The following GRIN3A variants were observed in gnomAD, a reference collection of about 807,000 sequenced individuals.
The protein encoded by GRIN3A is glutamate ionotropic receptor NMDA type subunit 3A, also known as glutamate receptor ionotropic, NMDA 3A.
Under a neutral mutation model 92.4 loss-of-function variants are expected in GRIN3A, and 47 were observed. The ratio of observed to expected loss-of-function variants is 0.51; its 90% CI spans 0.40 to 0.65. The LOEUF (loss-of-function observed/expected upper bound fraction) is 0.65, where lower values mean the gene tolerates loss of function less well. Among genes scored for constraint, GRIN3A ranks in the 30% least tolerant of loss-of-function variants. The pLI is 0.00. For synonymous variants in GRIN3A, 527 were observed against 540.6 expected (o/e 0.97, Z 0.35); for missense variants, 1,324 against 1,393.1 (o/e 0.95, Z 0.79).
At chr9:101,691,476 A>G (rs1829617660) in intron 1 of GRIN3A, among the ~76,000 whole-genome samples, 1 of 152,206 alleles carries the variant, frequency 6.6e-6, no homozygotes, top group Non-Finnish European at 1.5e-5. Context: ...GCGTTCTTTA[A>G]TTGGGACTTA....
intron 3 of GRIN3A, among the ~76,000 whole-genome samples, chr9:101,669,169 T>C (rs1270407503): frequency 1.3e-5 from 2 of 152,124 alleles, no homozygotes; most frequent in Non-Finnish European, 2.9e-5. Context: ...AGGACTGCAG[T>C]ACTCCCCTGA....
rs767445775 is a variant in GRIN3A, at chr9:101,648,761, T to C, written c.2353-20360A>G. Among the ~76,000 whole-genome samples, 39 of 152,218 alleles carry C rather than the reference T, an allele frequency of 2.6e-4. 1 individual carries two copies. Among genetic ancestry groups the C allele is most frequent in the Admixed American group, 1.2e-3 (19 of 15,272 alleles). ...TTGTTAGTTTCTTTTGGTGATGTAG[T>C]ATTTCCCCAAGTTTCACAATCCTTG... is the stretch of plus-strand genomic sequence containing the variant. On this transcript the variant is annotated intron_variant, in intron 3 of 8. Coordinates refer to ENST00000361820, the MANE Select transcript of GRIN3A (RefSeq NM_133445.3).
intron 3 of GRIN3A, among the ~76,000 whole-genome samples, chr9:101,652,362 G>A (rs975669157): frequency 3.9e-5 from 6 of 151,934 alleles, no homozygotes; most frequent in African/African-American, 1.4e-4. Context: ...AAGTGGCATG[G>A]GCAGTTCTCA....
chr9:101,705,680 C>G (rs770951432), intron 1 of GRIN3A, among the ~76,000 whole-genome samples: 3 of 152,152 alleles, frequency 2.0e-5, no homozygotes, highest in Non-Finnish European at 4.4e-5. Context: ...CCCTGCCACA[C>G]GTCCTGCAAA....
chr9:101,607,083 A>G (rs1828296005), intron 6 of GRIN3A, among the ~76,000 whole-genome samples: 1 of 151,840 alleles, frequency 6.6e-6, no homozygotes, highest in Non-Finnish European at 1.5e-5. Flanking sequence ...GAAAATTGCC[A>G]GAGTCTGGTC....
intron 5 of GRIN3A, 121 bp from the exon 6 acceptor site, chr9:101,613,648 ACTTT>A (rs1828401393): frequency 4.5e-6 from 4 of 898,434 alleles, no homozygotes; most frequent in Non-Finnish European, 5.4e-6. Context: ...GTTTTCATCA[ACTTT>A]CTTTCAAAGC....
chr9:101,680,337 A>AT (rs1323807713), intron 2 of GRIN3A, among the ~76,000 whole-genome samples: 2 of 152,148 alleles, frequency 1.3e-5, no homozygotes, highest in South Asian at 2.1e-4. Flanking sequence ...TGTTTGATTC[A>AT]TTTTTTTGAA....
chr9:101,602,916 C>T (rs990461295), intron 6 of GRIN3A: 1 of 152,086 alleles, frequency 6.6e-6, no homozygotes, highest in Admixed American at 6.6e-5. Flanking sequence ...AGCCTAACTT[C>T]GAAATACAAT....
At chr9:101,720,144 T>A (rs917985987) in intron 1 of GRIN3A, among the ~76,000 whole-genome samples, 5 of 152,214 alleles carry the variant, frequency 3.3e-5, no homozygotes, top group African/African-American at 1.2e-4. Context: ...TGCAGGAGGA[T>A]GAAACAAGGG....
At chr9:101,645,816 G>T (rs565818085) in intron 3 of GRIN3A, among the ~76,000 whole-genome samples, 2 of 150,962 alleles carry the variant, frequency 1.3e-5, no homozygotes, top group South Asian at 4.2e-4. Flanking sequence ...TTTCCCTTAT[G>T]ATTAGTGATG....
At chr9:101,724,334 C>T (rs570050109) in intron 1 of GRIN3A, among the ~76,000 whole-genome samples, 37 of 152,306 alleles carry the variant, frequency 2.4e-4, no homozygotes, top group South Asian at 1.9e-3. Flanking sequence ...GGACCCAGTA[C>T]GCCCTCCGCA....
chr9:101,607,504 G>C (rs552581825), intron 6 of GRIN3A, among the ~76,000 whole-genome samples: 1 of 152,298 alleles, frequency 6.6e-6, no homozygotes, highest in African/African-American at 2.4e-5. Context: ...GGAACCATCC[G>C]GAGTATATAC....
intron 1 of GRIN3A, among the ~76,000 whole-genome samples, chr9:101,718,250 G>A (rs991868594): frequency 1.3e-5 from 2 of 152,178 alleles, no homozygotes; most frequent in Admixed American, 6.5e-5. Flanking sequence ...TTACATAACT[G>A]TATGACAGAT....
intron 5 of GRIN3A, among the ~76,000 whole-genome samples, chr9:101,618,789 T>C (rs1828506544): frequency 6.6e-6 from 1 of 152,228 alleles, no homozygotes; most frequent in South Asian, 2.1e-4. Context: ...CATTTATAGT[T>C]GCTTTTCAAA....
At chr9:101,584,896 G>C (rs1003645385) in intron 6 of GRIN3A, among the ~76,000 whole-genome samples, 13 of 152,222 alleles carry the variant, frequency 8.5e-5, no homozygotes, top group African/African-American at 2.9e-4. Flanking sequence ...AAGAAATGCA[G>C]ATAAAGTGTT....
At chr9:101,595,638 C>T (rs1339602432) in intron 6 of GRIN3A, among the ~76,000 whole-genome samples, 1 of 152,136 alleles carries the variant, frequency 6.6e-6, no homozygotes, top group South Asian at 2.1e-4. Context: ...AGGCAGATAC[C>T]GCGCAGAATT....
At position 101,737,475 on chromosome 9, in the gene GRIN3A, GGGA is replaced by G; in HGVS notation, c.502_504del (p.Ser168del). 6.2e-7 allele frequency: 1 copy of G among 1,614,264 alleles called. No individual in the cohort carries two copies. Among genetic ancestry groups the G allele is most frequent in the South Asian group, 1.1e-5 (1 of 91,084 alleles). On this transcript the variant is annotated inframe_deletion, in exon 1 of 9. Transcript: ENST00000361820. ...GGGTCACTGCTCCATGGCGAACTAG[GGGA>G]GGAGAAGGGCAAAAGTGGCAGATCG...
chr9:101,670,618 A>G lies in GRIN3A; in HGVS notation c.1794T>C (p.Tyr598=), dbSNP rs780134030. 1.2e-6 allele frequency: 2 copies of G among 1,614,024 alleles called. No individual in the cohort carries two copies. Among genetic ancestry groups the G allele is most frequent in the Admixed American group, 3.3e-5 (2 of 59,996 alleles). ...CTCCATACTTTCCATCCCCTACAAT[A>G]TAGAGGTCGAAGTCAAAGTTCATGT... ...AEDMNFDFDL[Y]IVGDGKYGAW... Residue 598 remains tyrosine, a synonymous_variant, in exon 3 of 9, where the codon TAT becomes TAC. Coordinates refer to ENST00000361820, the MANE Select transcript of GRIN3A (RefSeq NM_133445.3).
intron 6 of GRIN3A, among the ~76,000 whole-genome samples, chr9:101,589,918 T>C (rs1827999941): frequency 6.6e-6 from 1 of 152,192 alleles, no homozygotes; most frequent in South Asian, 2.1e-4. Flanking sequence ...CTTAATTTCA[T>C]CTCAATATTT....
Sources: allele counts gnomAD v4.1 joint callset (sites outside exome capture counted in the v4.1 genomes callset), GRCh38; gene constraint gnomAD v4.1.1; transcripts MANE v1.5; gene names NCBI Gene and HGNC (gene_info 2026-07-23, HGNC 2026-07-21).